The following CSMD1 variants were observed in gnomAD, a reference collection of about 807,000 sequenced individuals.
The protein encoded by CSMD1 is CUB and sushi domain-containing protein 1.
A neutral mutation model predicts 417.5 loss-of-function variants in CSMD1; 213 were observed. The ratio of observed to expected loss-of-function variants is 0.51; its 90% CI spans 0.46 to 0.57. CSMD1 has a LOEUF of 0.57. CSMD1 is among the 20% of genes least tolerant of loss of function. CSMD1 has a pLI of 0.00. For synonymous variants in CSMD1, 2,862 were observed against 1,736.8 expected (o/e 1.65, Z -16.11); for missense variants, 6,923 against 4,529.7 (o/e 1.53, Z -15.17).
intron 3 of CSMD1, among the ~76,000 whole-genome samples, chr8:4,401,164 CAG>C (rs1563134879): frequency 2.0e-5 from 3 of 152,048 alleles, no homozygotes; most frequent in Non-Finnish European, 2.9e-5. Context: ...TTCATCAAAA[CAG>C]GGGTTCCATC....
chr8:4,859,620 A>T (rs1314264382), intron 1 of CSMD1, among the ~76,000 whole-genome samples: 1 of 152,184 alleles, frequency 6.6e-6, no homozygotes, highest in East Asian at 1.9e-4. Context: ...GACACTTCTC[A>T]AAAGAAGACG....
rs1186975441 is a variant in CSMD1 at position 3,286,397 on chromosome 8, G to T, written c.3951-2051C>A. Among the ~76,000 whole-genome samples the T allele has an allele frequency of 2.0e-5, 3 of 152,068 alleles. No individual in the cohort carries two copies. The East Asian group carries it at 5.8e-4, about 29-fold the overall frequency. ...TCCAGTTCTAGATCCCTGAGGAATG[G>T]CCACACTGACTTCCACAATGGTTGA... On this transcript the variant is annotated intron_variant, in intron 25 of 69. Coordinates refer to ENST00000635120, the MANE Select transcript of CSMD1 (RefSeq NM_033225.6).
At chr8:3,743,108 A>C (rs1377170082) in intron 6 of CSMD1, among the ~76,000 whole-genome samples, 1 of 152,204 alleles carries the variant, frequency 6.6e-6, no homozygotes, top group Non-Finnish European at 1.5e-5. Context: ...CAAACCTTTA[A>C]AGGAACTGAG....
intron 2 of CSMD1, among the ~76,000 whole-genome samples, chr8:4,441,256 C>T (rs557953931): frequency 1.5e-5 from 2 of 135,406 alleles, no homozygotes; most frequent in Admixed American, 7.8e-5. Context: ...GAGCACTACA[C>T]TCAGTTTTTT....
rs144451483 is a variant in CSMD1, at chr8:3,667,544, C to T, written c.1009+40870G>A. Reference sequence around the variant, plus strand: ...GCTGTTGGGATGAGGTCAGGAAGGACGTGAGGACTAGGCTGAGAAAGTCCT... The same window carrying T: ...GCTGTTGGGATGAGGTCAGGAAGGATGTGAGGACTAGGCTGAGAAAGTCCT... On this transcript the variant is annotated intron_variant, in intron 7 of 69. Transcript: ENST00000635120. Among the ~76,000 whole-genome samples, 13 of 151,932 alleles carry T rather than the reference C, an allele frequency of 8.6e-5. No individual in the cohort carries two copies. The East Asian group carries it at 2.3e-3, about 27-fold the overall frequency.
chr8:4,910,629 T>G (rs1375786190), intron 1 of CSMD1, among the ~76,000 whole-genome samples: 1 of 152,184 alleles, frequency 6.6e-6, no homozygotes, highest in African/African-American at 2.4e-5. Context: ...CTCCAAATAT[T>G]ACCATTTTGG....
intron 2 of CSMD1, among the ~76,000 whole-genome samples, chr8:4,433,523 C>G (rs530335784): frequency 6.6e-6 from 1 of 152,268 alleles, no homozygotes; most frequent in African/African-American, 2.4e-5. Context: ...AGCCCCAGAT[C>G]CCCCTGCCGG....
chr8:4,926,991 A>T (rs1022645543), intron 1 of CSMD1, among the ~76,000 whole-genome samples: 1 of 152,040 alleles, frequency 6.6e-6, no homozygotes, highest in Non-Finnish European at 1.5e-5. Context: ...ATTTTCATTT[A>T]TAAAGATTCA....
rs116907855 is a variant in CSMD1 at position 3,453,631 on chromosome 8, T to C, written c.1561+15081A>G. Among the ~76,000 whole-genome samples, 1,289 of 152,332 alleles carry C rather than the reference T, an allele frequency of 8.5e-3. 7 individuals are homozygous for C. The highest frequency in any genetic ancestry group is 0.014 in the Non-Finnish European group (928 of 68,018). On this transcript the variant is annotated intron_variant, in intron 12 of 69. Coordinates refer to ENST00000635120, the MANE Select transcript of CSMD1 (RefSeq NM_033225.6). Reference sequence around the variant, plus strand: ...ATGTAACTGAGTAGTTTTGAGAGACTTTCTTAATCCTGAATTGTAGTTTTA... The same window carrying C: ...ATGTAACTGAGTAGTTTTGAGAGACCTTCTTAATCCTGAATTGTAGTTTTA...
rs779594205 is a variant in CSMD1, at chr8:3,995,279, G to C, written c.818+2624C>G. On this transcript the variant is annotated intron_variant, in intron 5 of 69. Coordinates refer to ENST00000635120, the MANE Select transcript of CSMD1 (RefSeq NM_033225.6). Reference sequence around the variant, plus strand: ...TTTGCTTTTCAGCCTCCACTGAAGAGTCATTGAAAGCTGAGAGTTCCACTT... The same window carrying C: ...TTTGCTTTTCAGCCTCCACTGAAGACTCATTGAAAGCTGAGAGTTCCACTT... 5.3e-5 allele frequency among the ~76,000 whole-genome samples: 8 copies of C among 152,326 alleles called. No homozygotes were observed. The East Asian group carries it at 1.4e-3, about 26-fold the overall frequency.
chr8:3,744,706 C>T (rs957629320), intron 6 of CSMD1, among the ~76,000 whole-genome samples: 14 of 152,250 alleles, frequency 9.2e-5, no homozygotes, highest in Admixed American at 8.5e-4. Context: ...GAAACGTTGT[C>T]TGGGCTATGA....
intron 12 of CSMD1, among the ~76,000 whole-genome samples, chr8:3,441,292 G>C (rs2173585): frequency 0.76 from 115,352 of 151,894 alleles, 43,974 homozygotes; most frequent in East Asian, 0.85. Context: ...TTTTCAAACA[G>C]TACATTTGTG....
At chr8:4,124,230 G>T (rs995326419) in intron 3 of CSMD1, among the ~76,000 whole-genome samples, 10 of 152,282 alleles carry the variant, frequency 6.6e-5, no homozygotes, top group Non-Finnish European at 1.5e-4. Context: ...CTGGGCAGGG[G>T]AGTGTGAGGC....
intron 5 of CSMD1, among the ~76,000 whole-genome samples, chr8:3,868,261 A>G (rs1395593768): frequency 6.6e-6 from 1 of 152,024 alleles, no homozygotes; most frequent in Non-Finnish European, 1.5e-5. Flanking sequence ...CTTTATGACC[A>G]TTGCTCTGAA....
chr8:3,038,549 T>C (rs1297457456), intron 50 of CSMD1, among the ~76,000 whole-genome samples: 1 of 152,196 alleles, frequency 6.6e-6, no homozygotes, highest in Admixed American at 6.5e-5. Context: ...CTTGTGGTTA[T>C]TTGTTTTGTT....
chr8:3,753,580 C>A (rs1295626820), intron 6 of CSMD1, among the ~76,000 whole-genome samples: 4 of 152,096 alleles, frequency 2.6e-5, no homozygotes, highest in African/African-American at 9.7e-5. Context: ...AACCTATATG[C>A]TATAGCATGC....
intron 10 of CSMD1, among the ~76,000 whole-genome samples, chr8:3,528,795 AC>A (rs2117495988): frequency 6.6e-6 from 1 of 152,336 alleles, no homozygotes; most frequent in African/African-American, 2.4e-5. Context: ...GACAGAAAAC[AC>A]CTGGATAAAA....
intron 1 of CSMD1, among the ~76,000 whole-genome samples, chr8:4,770,792 T>C (rs1373324127): frequency 6.6e-6 from 1 of 152,058 alleles, no homozygotes; most frequent in Non-Finnish European, 1.5e-5. Flanking sequence ...CTTTATACCA[T>C]ACATAAAAAT....
chr8:4,426,492 G>A (rs898317620), intron 2 of CSMD1, among the ~76,000 whole-genome samples: 3 of 147,306 alleles, frequency 2.0e-5, no homozygotes, highest in Non-Finnish European at 4.5e-5. Context: ...GACATATATA[G>A]TAAAGTTTTT....
Sources: gnomAD v4.1 joint callset for allele counts (sites outside exome capture counted in the v4.1 genomes callset) on GRCh38, gnomAD v4.1.1 for gene constraint, MANE v1.5 for transcripts, NCBI Gene and HGNC (gene_info 2026-07-23, HGNC 2026-07-21) for gene names.